Variants in VDAC1 observed in about 807,000 individuals in gnomAD.
The protein encoded by VDAC1 is non-selective voltage-gated ion channel VDAC1.
In VDAC1, 10 loss-of-function variants were observed where a neutral mutation model predicts 34.7. That is an observed-to-expected ratio of 0.29 (90% confidence interval 0.18 to 0.49). The LOEUF (loss-of-function observed/expected upper bound fraction) is 0.49. VDAC1 is among the 20% of genes least tolerant of loss of function. The pLI is 0.99. For synonymous variants in VDAC1, 130 were observed against 136.0 expected, an observed-to-expected ratio of 0.96 and a Z score of 0.30; for missense variants, 230 against 347.9, an observed-to-expected ratio of 0.66 and a Z score of 2.69.
chr5:133,984,419 CGTGTGTGTGTGTGTGTGTGTGT>C (rs70976506), intron 5 of VDAC1, among the ~76,000 whole-genome samples: 135 of 122,036 alleles, frequency 1.1e-3, no homozygotes, highest in African/African-American at 2.9e-3. Flanking sequence ...CAATGACCAG[CGTGTGTGTGTGTGTGTGTGTGT>C]GTGTGTGTGT....
At chr5:133,975,345 G>C (rs1752436410) in intron 7 of VDAC1, among the ~76,000 whole-genome samples, 1 of 151,998 alleles carries the variant, frequency 6.6e-6, no homozygotes, top group Admixed American at 6.5e-5. Context: ...TACACAAAAG[G>C]CTCTGCACAG....
chr5:133,994,513 C>T (rs1487245396), intron 1 of VDAC1, among the ~76,000 whole-genome samples: 1 of 152,154 alleles, frequency 6.6e-6, no homozygotes, highest in Non-Finnish European at 1.5e-5. Flanking sequence ...ATCCATTTTA[C>T]ACTGCCCGCC....
chr5:134,013,368 G>A, the VDAC1 span, among the ~76,000 whole-genome samples: 9 of 152,136 alleles, frequency 5.9e-5, no homozygotes, highest in Non-Finnish European at 1.0e-4. Flanking sequence ...CCAGGAGGTC[G>A]AGGCTGCAGT....
At chr5:134,095,267 A>G in the VDAC1 span, among the ~76,000 whole-genome samples, 2 of 152,100 alleles carry the variant, frequency 1.3e-5, no homozygotes, top group Non-Finnish European at 2.9e-5. Context: ...GGCTCATCTG[A>G]TGCCAGGAGT....
At chr5:134,102,197 TG>T in the VDAC1 span, among the ~76,000 whole-genome samples, 4 of 152,104 alleles carry the variant, frequency 2.6e-5, no homozygotes, top group African/African-American at 7.2e-5. Context: ...CCCGCCGCTC[TG>T]GGGGGACTCT....
chr5:134,088,940 G>A, the VDAC1 span, among the ~76,000 whole-genome samples: 1 of 152,190 alleles, frequency 6.6e-6, no homozygotes. Context: ...ATATTATGCT[G>A]AAGGTTCATC....
the VDAC1 span, among the ~76,000 whole-genome samples, chr5:134,102,192 C>A: frequency 6.6e-6 from 1 of 152,092 alleles, no homozygotes; most frequent in African/African-American, 2.4e-5. Flanking sequence ...CAGCCCCCGC[C>A]GCTCTGGGGG....
chr5:134,002,290 G>A (rs555715085), intron 1 of VDAC1, among the ~76,000 whole-genome samples: 1 of 152,228 alleles, frequency 6.6e-6, no homozygotes, highest in African/African-American at 2.4e-5. Context: ...TCTGAGCTAC[G>A]AATAACCCCT....
At chr5:134,030,685 G>A in the VDAC1 span, among the ~76,000 whole-genome samples, 10 of 150,780 alleles carry the variant, frequency 6.6e-5, no homozygotes, top group African/African-American at 2.0e-4. Flanking sequence ...TCAGCTCACC[G>A]CAACCTCCAT....
chr5:133,975,964 C>T lies in VDAC1; in HGVS notation c.609G>A (p.Glu203=), dbSNP rs764203087. 8.1e-6 allele frequency: 13 copies of T among 1,613,944 alleles called. No individual in the cohort carries two copies. The highest frequency in any genetic ancestry group is 1.1e-5 in the Non-Finnish European group (13 of 1,180,006). The change falls in exon 7 of 9, where the codon GAG becomes GAA. Residue 203 remains glutamate, a synonymous_variant. Transcript: ENST00000265333. ...CTGTCCAGGCAAGATTGACAGCGGT[C>T]TCCAACTTCTTGTTCACTTTCTGGT... ...SIYQKVNKKL[E]TAVNLAWTAG...
chr5:134,102,485 A>G, the VDAC1 span, among the ~76,000 whole-genome samples: 3 of 152,022 alleles, frequency 2.0e-5, no homozygotes, highest in Non-Finnish European at 4.4e-5. Flanking sequence ...CCTGACCAAC[A>G]TGGAGAAACC....
At chr5:134,055,600 T>G in the VDAC1 span, among the ~76,000 whole-genome samples, 71 of 136,360 alleles carry the variant, frequency 5.2e-4, 1 homozygote, top group African/African-American at 1.8e-3. Context: ...TTTTTTTTTT[T>G]TTTTTTTTTT....
At position 133,984,609 on chromosome 5, in the gene VDAC1, G is replaced by A. The variant is rs1286530350; in HGVS notation, c.324-3653C>T. On this transcript the variant is annotated intron_variant, in intron 5 of 8. Transcript: ENST00000265333. ...AAGAATAGCCTAATACAGCCATGACGACCAAGGAATGCATCATAGACAATC... is the reference window on the plus strand; with the variant it reads ...AAGAATAGCCTAATACAGCCATGACAACCAAGGAATGCATCATAGACAATC... 9.9e-5 allele frequency among the ~76,000 whole-genome samples: 15 copies of A among 152,248 alleles called. 3 individuals are homozygous for A. The highest frequency in any genetic ancestry group is 7.9e-4 in the Admixed American group (12 of 15,282).
the VDAC1 span, among the ~76,000 whole-genome samples, chr5:134,041,759 C>A: frequency 6.6e-6 from 1 of 152,136 alleles, no homozygotes; most frequent in East Asian, 1.9e-4. Flanking sequence ...CATGAGGAGC[C>A]CCCAGCTCCA....
At chr5:134,084,382 C>T in the VDAC1 span, among the ~76,000 whole-genome samples, 1 of 152,226 alleles carries the variant, frequency 6.6e-6, no homozygotes, top group African/African-American at 2.4e-5. Context: ...AGCTGAGCTA[C>T]TGGAGCTGCA....
chr5:134,071,752 G>T, the VDAC1 span, among the ~76,000 whole-genome samples: 1 of 152,228 alleles, frequency 6.6e-6, no homozygotes, highest in Admixed American at 6.5e-5. The surrounding 1 kb of genome is among the most constrained non-coding windows in gnomAD (Gnocchi z 4.1). Flanking sequence ...GAGGGTGGCT[G>T]TGGGTTGAGG....
At chr5:134,070,462 T>A in the VDAC1 span, among the ~76,000 whole-genome samples, 1 of 141,280 alleles carries the variant, frequency 7.1e-6, no homozygotes, top group African/African-American at 3.2e-5. Flanking sequence ...AGGTTTTATC[T>A]AAACAACATT....
chr5:133,998,095 G>C (rs1161421397), intron 1 of VDAC1, among the ~76,000 whole-genome samples: 1 of 150,968 alleles, frequency 6.6e-6, no homozygotes, highest in Admixed American at 6.6e-5. Context: ...AAGAAAGAAA[G>C]CTAGCTAGCT....
the VDAC1 span, among the ~76,000 whole-genome samples, chr5:134,018,757 T>C: frequency 1.3e-5 from 2 of 152,126 alleles, no homozygotes; most frequent in Admixed American, 6.6e-5. Context: ...TAAACTAATA[T>C]GTGATTCAGG....
Sources: gnomAD v4.1 joint callset for allele counts (sites outside exome capture counted in the v4.1 genomes callset) on GRCh38, gnomAD v4.1.1 for gene constraint, Gnocchi (gnomAD v3.1) non-coding constraint, MANE v1.5 for transcripts, NCBI Gene and HGNC (gene_info 2026-07-23, HGNC 2026-07-21) for gene names.